The following ROBO1 variants were observed in gnomAD, a reference collection of about 807,000 sequenced individuals.
The protein encoded by ROBO1 is roundabout homolog 1.
ROBO1 carries 149 observed loss-of-function variants against 195.9 expected under a neutral mutation model. The observed-to-expected ratio is 0.76, with a 90% confidence interval of 0.67 to 0.87. The LOEUF is 0.87. ROBO1 is among the 40% of genes least tolerant of loss of function. The pLI is 0.00. For missense variants in ROBO1, 1,933 were observed against 2,068.3 expected, an observed-to-expected ratio of 0.93 and a Z score of 1.27; for synonymous variants, 816 against 733.2, an observed-to-expected ratio of 1.11 and a Z score of -1.82.
At chr3:79,289,517 C>T (rs1576927946) in intron 2 of ROBO1, among the ~76,000 whole-genome samples, 1 of 152,140 alleles carries the variant, frequency 6.6e-6, no homozygotes, top group East Asian at 1.9e-4. Context: ...ACCACTTTTA[C>T]TGTCTCCCTC....
chr3:78,972,819 C>G (rs2076797748), intron 3 of ROBO1, among the ~76,000 whole-genome samples: 2 of 152,150 alleles, frequency 1.3e-5, no homozygotes, highest in Non-Finnish European at 2.9e-5. Flanking sequence ...ATACCAATTA[C>G]TGGTACCAGA....
chr3:79,489,598 T>G (rs1179135885), intron 2 of ROBO1, among the ~76,000 whole-genome samples: 1 of 141,780 alleles, frequency 7.1e-6, no homozygotes, highest in East Asian at 2.0e-4. Context: ...GAGGTTGCAG[T>G]GAGCCGAGAA....
chr3:79,267,434 G>A (rs1281805125), intron 2 of ROBO1, among the ~76,000 whole-genome samples: 1 of 151,320 alleles, frequency 6.6e-6, no homozygotes, highest in Non-Finnish European at 1.5e-5. Context: ...TTTTAAAATT[G>A]TACCTAGTTA....
intron 2 of ROBO1, among the ~76,000 whole-genome samples, chr3:79,250,465 A>C (rs976335696): frequency 1.6e-4 from 25 of 152,156 alleles, no homozygotes; most frequent in African/African-American, 6.0e-4. Context: ...TTTACATCTG[A>C]ATTTAAAACT....
chr3:79,359,725 G>C (rs532697587), intron 2 of ROBO1, among the ~76,000 whole-genome samples: 15 of 151,596 alleles, frequency 9.9e-5, no homozygotes, highest in African/African-American at 2.4e-4. Flanking sequence ...AACACTTCTC[G>C]GATTATAAAA....
intron 1 of ROBO1, among the ~76,000 whole-genome samples, chr3:79,679,011 T>C (rs9838485): frequency 0.32 from 48,878 of 151,806 alleles, 9,780 homozygotes; most frequent in African/African-American, 0.57. Flanking sequence ...GCAAATAATG[T>C]GTGAAAATAT....
intron 4 of ROBO1, among the ~76,000 whole-genome samples, chr3:78,911,412 A>C (rs1398885801): frequency 1.3e-5 from 2 of 152,082 alleles, no homozygotes; most frequent in Non-Finnish European, 2.9e-5. Flanking sequence ...AGAGCATCTA[A>C]TTCTTGCAAA....
chr3:79,189,298 T>C (rs2081497212), intron 2 of ROBO1, among the ~76,000 whole-genome samples: 1 of 151,832 alleles, frequency 6.6e-6, no homozygotes, highest in African/African-American at 2.4e-5. Flanking sequence ...ATTTATTAAA[T>C]ACATAAAATA....
chr3:79,381,723 T>C (rs1160216921), intron 2 of ROBO1, among the ~76,000 whole-genome samples: 1 of 152,042 alleles, frequency 6.6e-6, no homozygotes, highest in Non-Finnish European at 1.5e-5. Flanking sequence ...ACATCATCTT[T>C]GAAACTTTAT....
rs969405212 is a variant in ROBO1 at position 79,216,478 on chromosome 3, ATTACT to A, written c.89-90944_89-90940del. On this transcript the variant is annotated intron_variant, in intron 2 of 30. Transcript: ENST00000464233. ...CAAGGTTTAAAGTGAAGTTAAGCAC[ATTACT>A]TTACTATAGGACTATTGATTCTAAT... 2.6e-4 allele frequency among the ~76,000 whole-genome samples: 40 copies of A among 152,110 alleles called. 1 individual carries two copies. Among genetic ancestry groups the A allele is most frequent in the African/African-American group, 8.0e-4 (33 of 41,450 alleles).
At chr3:78,603,855 G>T (rs561366873) in intron 29 of ROBO1, among the ~76,000 whole-genome samples, 2 of 151,902 alleles carry the variant, frequency 1.3e-5, no homozygotes, top group African/African-American at 4.8e-5. Flanking sequence ...ATGATTCCAT[G>T]GGTTCCTTGT....
chr3:79,235,458 G>T (rs1425660277), intron 2 of ROBO1, among the ~76,000 whole-genome samples: 1 of 152,036 alleles, frequency 6.6e-6, no homozygotes, highest in African/African-American at 2.4e-5. Flanking sequence ...TCTCAGCTGA[G>T]TTCCACTTCA....
chr3:79,384,798 G>C (rs1559861509), intron 2 of ROBO1, among the ~76,000 whole-genome samples: 1 of 151,954 alleles, frequency 6.6e-6, no homozygotes, highest in Non-Finnish European at 1.5e-5. Context: ...ATAATTACAT[G>C]GGGGTAAACA....
intron 2 of ROBO1, among the ~76,000 whole-genome samples, chr3:79,575,559 TATATATAAATATATATAACAAA>T (rs1943458221): frequency 1.5e-5 from 2 of 137,716 alleles, no homozygotes; most frequent in African/African-American, 5.3e-5. Context: ...ATATAACAAA[TATATATAAATATATATAACAAA>T]TTTTATATAT....
rs570208439 is a variant in ROBO1, at chr3:78,747,820, C to G, written c.500-920G>C. On this transcript the variant is annotated intron_variant, in intron 4 of 30. Coordinates refer to ENST00000464233, the MANE Select transcript of ROBO1 (RefSeq NM_002941.4). Reference sequence around the variant, plus strand: ...ATACATATTCCAAAAATAGCTCATACAGTAAAATTGTCCCCAGTATCTTGA... The same window carrying G: ...ATACATATTCCAAAAATAGCTCATAGAGTAAAATTGTCCCCAGTATCTTGA... 3.3e-5 allele frequency among the ~76,000 whole-genome samples: 5 copies of G among 152,242 alleles called. No individual in the cohort carries two copies. The South Asian group carries it at 1.0e-3, about 31-fold the overall frequency.
intron 2 of ROBO1, among the ~76,000 whole-genome samples, chr3:79,259,077 T>A (rs1039444759): frequency 2.0e-5 from 3 of 146,576 alleles, no homozygotes; most frequent in Non-Finnish European, 4.4e-5. Context: ...TAAAATTTCC[T>A]ACTTTTTTTT....
At chr3:79,516,212 A>G (rs1343607104) in intron 2 of ROBO1, among the ~76,000 whole-genome samples, 1 of 152,216 alleles carries the variant, frequency 6.6e-6, no homozygotes, top group African/African-American at 2.4e-5. Context: ...TAATTAAAAT[A>G]ATTCAAAAAT....
chr3:79,228,019 T>G (rs2082257853), intron 2 of ROBO1, among the ~76,000 whole-genome samples: 1 of 152,170 alleles, frequency 6.6e-6, no homozygotes, highest in Non-Finnish European at 1.5e-5. Flanking sequence ...GATTAGCTTC[T>G]TAGAATATCT....
At chr3:79,091,827 C>T (rs947441860) in intron 3 of ROBO1, among the ~76,000 whole-genome samples, 4 of 151,890 alleles carry the variant, frequency 2.6e-5, no homozygotes, top group African/African-American at 9.7e-5. Context: ...GTTGGAGGGA[C>T]GTTAGGAATT....
Sources: allele counts gnomAD v4.1 joint callset (sites outside exome capture counted in the v4.1 genomes callset), GRCh38; gene constraint gnomAD v4.1.1; transcripts MANE v1.5; gene names NCBI Gene and HGNC (gene_info 2026-07-23, HGNC 2026-07-21).